TFEC: variants seen among roughly 807,000 people sequenced by gnomAD.
TFEC encodes the protein class E basic helix-loop-helix protein 34.
In TFEC, 31 loss-of-function variants were observed where a neutral mutation model predicts 41.6. The ratio of observed to expected loss-of-function variants is 0.74; its 90% CI spans 0.56 to 1.01. TFEC has a LOEUF of 1.01. TFEC is among the 50% of genes least tolerant of loss of function. The pLI is 0.00. For synonymous variants in TFEC, 143 were observed against 140.6 expected (o/e 1.02, Z -0.12); for missense variants, 402 against 404.1 (o/e 0.99, Z 0.04).
chr7:115,943,749 T>C (rs1255389429), intron 6 of TFEC, among the ~76,000 whole-genome samples: 4 of 151,572 alleles, frequency 2.6e-5, no homozygotes, highest in Non-Finnish European at 5.9e-5. Context: ...AGAATGAATG[T>C]TGATAGTTGA....
At chr7:116,106,268 TAA>T (rs1184254166) in intron 3 of TFEC, among the ~76,000 whole-genome samples, 2 of 152,248 alleles carry the variant, frequency 1.3e-5, no homozygotes, top group Non-Finnish European at 2.9e-5. Context: ...TCACAGCATT[TAA>T]AAGACACTTA....
At chr7:115,975,317 T>C (rs1282279761) in intron 2 of TFEC, among the ~76,000 whole-genome samples, 1 of 152,134 alleles carries the variant, frequency 6.6e-6, no homozygotes. Context: ...CTCAAATATA[T>C]TGTGAATGTT....
intron 1 of TFEC, chr7:116,121,337 A>G (rs1798103685): frequency 6.6e-6 from 1 of 152,050 alleles, no homozygotes; most frequent in South Asian, 2.1e-4. Flanking sequence ...AGCCACATAC[A>G]TGAAATGTCC....
intron 3 of TFEC, among the ~76,000 whole-genome samples, chr7:116,109,524 A>T (rs1395460114): frequency 6.6e-6 from 1 of 152,238 alleles, no homozygotes; most frequent in Non-Finnish European, 1.5e-5. Context: ...CCACAATGAG[A>T]TACCATCTCA....
intron 3 of TFEC, among the ~76,000 whole-genome samples, chr7:116,046,628 A>G (rs1175719047): frequency 2.0e-5 from 3 of 152,198 alleles, no homozygotes; most frequent in Admixed American, 6.5e-5. Context: ...CAACATGAAT[A>G]TCATAAAGAA....
At chr7:115,996,439 A>T (rs1794370043) in intron 1 of TFEC, among the ~76,000 whole-genome samples, 2 of 152,046 alleles carry the variant, frequency 1.3e-5, no homozygotes, top group African/African-American at 4.8e-5. Flanking sequence ...CCCAGGCAGT[A>T]CTTGTGATGG....
chr7:116,001,775 T>C (rs755592348), intron 1 of TFEC, among the ~76,000 whole-genome samples: 65 of 151,938 alleles, frequency 4.3e-4, no homozygotes, highest in Middle Eastern at 3.2e-3. Context: ...AAACAGAATA[T>C]ATAAGGAGCT....
intron 3 of TFEC, among the ~76,000 whole-genome samples, chr7:116,053,781 C>T (rs1796367379): frequency 6.6e-6 from 1 of 152,168 alleles, no homozygotes; most frequent in Non-Finnish European, 1.5e-5. Flanking sequence ...GGCCCTACAA[C>T]TTTGGACATC....
intron 1 of TFEC, among the ~76,000 whole-genome samples, chr7:116,029,953 C>T (rs1795733191): frequency 6.6e-6 from 1 of 151,692 alleles, no homozygotes; most frequent in African/African-American, 2.4e-5. Context: ...GTAATCCCAG[C>T]TACTTGGAAG....
rs542699964 is a variant in TFEC, at chr7:116,123,913, G to C, written c.-68-11875C>G. Among the ~76,000 whole-genome samples the C allele has an allele frequency of 2.6e-5, 4 of 152,178 alleles. No individual in the cohort carries two copies. In the South Asian group the frequency reaches 8.3e-4, roughly 32 times the overall value. On this transcript the variant is annotated intron_variant, in intron 1 of 8. Transcript: ENST00000484212. ...CTATATCTGCCACAAATCTTAGCAT[G>C]ATATTAAACATAACACAAGAGCTCA...
At chr7:116,090,455 C>T (rs1364011300) in intron 3 of TFEC, among the ~76,000 whole-genome samples, 3 of 152,058 alleles carry the variant, frequency 2.0e-5, no homozygotes, top group East Asian at 1.9e-4. Flanking sequence ...TCTTTCCTTG[C>T]TTTGTTTGTG....
intron 3 of TFEC, among the ~76,000 whole-genome samples, chr7:116,059,589 C>G (rs1030956833): frequency 6.1e-4 from 93 of 151,816 alleles, no homozygotes; most frequent in African/African-American, 2.0e-3. Context: ...TAATTTTAAA[C>G]AAATATCTTG....
chr7:115,938,123 C>A lies in TFEC; in HGVS notation c.*2428G>T, dbSNP rs927018081. The A allele has an allele frequency of 1.3e-5, 2 of 151,806 alleles. No individual in the cohort carries two copies. Among genetic ancestry groups the A allele is most frequent in the East Asian group, 3.9e-4 (2 of 5,158 alleles). The allele number at this position is 151,806 out of a possible 1,614,324, so 9.4% of individuals were successfully genotyped here. ...CAGGCTCTATCATCCTGTGCCAAGT[C>A]CTTATCTCAGCCAAGATTGTGAAGG... is the stretch of plus-strand genomic sequence containing the variant. On this transcript the variant is annotated 3_prime_UTR_variant, in exon 8 of 8. Coordinates refer to ENST00000265440, the MANE Select transcript of TFEC (RefSeq NM_012252.4).
chr7:116,002,224 C>A (rs1404500039), intron 1 of TFEC, among the ~76,000 whole-genome samples: 4 of 152,142 alleles, frequency 2.6e-5, no homozygotes, highest in African/African-American at 4.8e-5. Context: ...TATCTGCACT[C>A]CCATGTTTAC....
intron 3 of TFEC, among the ~76,000 whole-genome samples, chr7:116,044,709 C>G (rs946093068): frequency 3.9e-5 from 6 of 152,230 alleles, no homozygotes; most frequent in Admixed American, 1.3e-4. Flanking sequence ...TCTTCAGCAT[C>G]TTGACTGCCT....
intron 1 of TFEC, among the ~76,000 whole-genome samples, chr7:116,138,714 A>G (rs1184283762): frequency 6.6e-6 from 1 of 152,254 alleles, no homozygotes; most frequent in Non-Finnish European, 1.5e-5. Flanking sequence ...CTTGCAAAGG[A>G]AGACTCTTAA....
At chr7:116,064,446 A>G (rs1366441942) in intron 3 of TFEC, among the ~76,000 whole-genome samples, 1 of 151,764 alleles carries the variant, frequency 6.6e-6, no homozygotes, top group African/African-American at 2.4e-5. Context: ...TGTCAATCAT[A>G]ACTCAATAAA....
intron 3 of TFEC, among the ~76,000 whole-genome samples, chr7:116,051,836 A>G (rs12532496): frequency 0.23 from 34,579 of 151,940 alleles, 4,155 homozygotes; most frequent in East Asian, 0.39. Context: ...GATAGGTACT[A>G]TGTTATCATC....
chr7:116,054,810 G>C (rs1395843354), intron 3 of TFEC, among the ~76,000 whole-genome samples: 1 of 151,986 alleles, frequency 6.6e-6, no homozygotes, highest in Non-Finnish European at 1.5e-5. Flanking sequence ...ACTCAAATTT[G>C]TCTTACTTAC....
Sources: allele counts gnomAD v4.1 joint callset (sites outside exome capture counted in the v4.1 genomes callset), GRCh38; gene constraint gnomAD v4.1.1; transcripts MANE v1.5; gene names NCBI Gene and HGNC (gene_info 2026-07-23, HGNC 2026-07-21).